The following FHIT variants were observed in gnomAD, a reference collection of about 807,000 sequenced individuals.
FHIT encodes the protein fragile histidine triad diadenosine triphosphatase.
In FHIT, 19 loss-of-function variants were observed where a neutral mutation model predicts 17.9. That is an observed-to-expected ratio of 1.06 (90% confidence interval 0.74 to 1.56). The LOEUF is 1.56. Among genes scored for constraint, FHIT ranks in the 40% most tolerant of loss-of-function variants. The pLI, the probability that FHIT is intolerant of heterozygous loss-of-function variation, is 0.00. For missense variants in FHIT, 248 were observed against 189.2 expected (o/e 1.31, Z -1.82); for synonymous variants, 81 against 69.7 (o/e 1.16, Z -0.81).
chr3:60,220,917 C>G (rs1191762132), intron 5 of FHIT, among the ~76,000 whole-genome samples: 2 of 152,122 alleles, frequency 1.3e-5, no homozygotes, highest in African/African-American at 4.8e-5. Flanking sequence ...ATCTAATTAC[C>G]CAATACACTA....
chr3:60,688,373 C>A (rs1287742749), intron 4 of FHIT, among the ~76,000 whole-genome samples: 1 of 151,706 alleles, frequency 6.6e-6, no homozygotes, highest in African/African-American at 2.4e-5. Flanking sequence ...ATATACTATC[C>A]CCTTGCTGAA....
intron 5 of FHIT, among the ~76,000 whole-genome samples, chr3:60,282,284 C>G (rs1009243327): frequency 2.5e-4 from 38 of 152,060 alleles, no homozygotes; most frequent in African/African-American, 8.9e-4. Flanking sequence ...TGTGGCAAAT[C>G]CATACGACAG....
rs188015270 is a variant in FHIT at position 60,288,642 on chromosome 3, G to A, written c.103+248218C>T. Among the ~76,000 whole-genome samples the A allele has an allele frequency of 6.0e-5, 9 of 149,344 alleles. No homozygotes were observed. The East Asian group carries it at 7.9e-4, about 13-fold the overall frequency. On this transcript the variant is annotated intron_variant, in intron 5 of 9. Coordinates refer to ENST00000492590, the MANE Select transcript of FHIT (RefSeq NM_002012.4). The stretch of plus-strand genomic sequence containing the variant: ...GGGTGTGTGCACGCACACATGCCTG[G>A]GTCCATTTGGCCACCTGATGAAGTC...
intron 5 of FHIT, among the ~76,000 whole-genome samples, chr3:60,509,520 T>A (rs2034863703): frequency 6.6e-6 from 1 of 152,202 alleles, no homozygotes; most frequent in African/African-American, 2.4e-5. Context: ...GTTCCTATGA[T>A]CACATCTCAA....
At chr3:61,061,694 A>G (rs1401028276) in intron 2 of FHIT, among the ~76,000 whole-genome samples, 1 of 152,112 alleles carries the variant, frequency 6.6e-6, no homozygotes, top group Non-Finnish European at 1.5e-5. Context: ...CTTCCACATG[A>G]CATTGTCCCT....
chr3:59,889,898 G>T (rs9853482), intron 8 of FHIT, among the ~76,000 whole-genome samples: 36,063 of 152,044 alleles, frequency 0.24, 6,847 homozygotes, highest in African/African-American at 0.53. Context: ...TTTCTTTTGC[G>T]AATGATATTG....
intron 5 of FHIT, among the ~76,000 whole-genome samples, chr3:60,154,374 T>C (rs1236723509): frequency 6.6e-6 from 1 of 152,198 alleles, no homozygotes; most frequent in African/African-American, 2.4e-5. Context: ...GCATCAGGCA[T>C]ACCGAAAAAT....
At chr3:60,628,387 A>G (rs1403870716) in intron 4 of FHIT, among the ~76,000 whole-genome samples, 2 of 152,186 alleles carry the variant, frequency 1.3e-5, no homozygotes, top group Non-Finnish European at 2.9e-5. Context: ...TGTTCCATGT[A>G]CACTTGAGAA....
chr3:60,425,734 A>C (rs2107277981), intron 5 of FHIT, among the ~76,000 whole-genome samples: 1 of 152,278 alleles, frequency 6.6e-6, no homozygotes, highest in Admixed American at 6.5e-5. Flanking sequence ...AATTATAGTT[A>C]CAGGCTAAGT....
intron 3 of FHIT, among the ~76,000 whole-genome samples, chr3:60,911,256 G>A (rs1553765790): frequency 2.0e-5 from 3 of 152,078 alleles, no homozygotes; most frequent in Non-Finnish European, 2.9e-5. Context: ...ACCACAAAAA[G>A]TCGCATTTAA....
At chr3:61,211,105 A>T (rs1434296604) in intron 1 of FHIT, among the ~76,000 whole-genome samples, 2 of 151,908 alleles carry the variant, frequency 1.3e-5, no homozygotes, top group Non-Finnish European at 1.5e-5. Context: ...CTGCATTTCC[A>T]TCTGAGGTAC....
intron 4 of FHIT, among the ~76,000 whole-genome samples, chr3:60,698,004 G>A (rs1735457): frequency 0.93 from 140,922 of 152,280 alleles, 65,283 homozygotes; most frequent in Non-Finnish European, 0.94. Context: ...ATACACACAA[G>A]GAATTACACA....
intron 3 of FHIT, among the ~76,000 whole-genome samples, chr3:60,860,085 GAT>G (rs1187629527): frequency 2.1e-5 from 3 of 146,062 alleles, no homozygotes; most frequent in Non-Finnish European, 3.0e-5. Context: ...TCTGATATAT[GAT>G]ATATATATGA....
At chr3:60,082,129 TCCCAC>T (rs71089577) in intron 5 of FHIT, among the ~76,000 whole-genome samples, 9,944 of 152,028 alleles carry the variant, frequency 0.065, 496 homozygotes, top group Non-Finnish European at 0.096. Context: ...CCTCCTTCCC[TCCCAC>T]TAGTCCCCAG....
At chr3:61,021,998 G>A (rs972308649) in intron 3 of FHIT, among the ~76,000 whole-genome samples, 5 of 151,586 alleles carry the variant, frequency 3.3e-5, no homozygotes, top group Non-Finnish European at 7.4e-5. Flanking sequence ...CTAAGATCAG[G>A]GCAAATTTGA....
rs371881925 is a variant in FHIT, at chr3:60,628,449, T to C, written c.-17-91470A>G. 2.0e-5 allele frequency among the ~76,000 whole-genome samples: 3 copies of C among 152,352 alleles called. No individual in the cohort carries two copies. The East Asian group carries it at 5.8e-4, about 29-fold the overall frequency. On this transcript the variant is annotated intron_variant, in intron 4 of 9. Transcript: ENST00000492590. ...TTCTCTGATATTTCTGTTGTCTGCC[T>C]CAATTGGCCTCACACCCAGCTGTTA...
At chr3:59,887,516 A>G (rs1703678192) in intron 8 of FHIT, among the ~76,000 whole-genome samples, 1 of 152,310 alleles carries the variant, frequency 6.6e-6, no homozygotes, top group East Asian at 1.9e-4. Flanking sequence ...TCCTATTATA[A>G]TAACAGATTA....
At chr3:60,354,874 G>C (rs1195935370) in intron 5 of FHIT, among the ~76,000 whole-genome samples, 1 of 152,086 alleles carries the variant, frequency 6.6e-6, no homozygotes, top group African/African-American at 2.4e-5. Flanking sequence ...TTGAGGACAG[G>C]ACTGGCTAAG....
intron 2 of FHIT, among the ~76,000 whole-genome samples, chr3:61,170,230 A>C (rs1197238148): frequency 6.6e-6 from 1 of 152,174 alleles, no homozygotes; most frequent in Non-Finnish European, 1.5e-5. Flanking sequence ...GAAAAGAGAT[A>C]ATTAAGTCAC....
Sources: allele counts gnomAD v4.1 joint callset (sites outside exome capture counted in the v4.1 genomes callset), GRCh38; gene constraint gnomAD v4.1.1; transcripts MANE v1.5; gene names NCBI Gene and HGNC (gene_info 2026-07-23, HGNC 2026-07-21).